The following FYB1 variants were observed in gnomAD, a reference collection of about 807,000 sequenced individuals.
FYB1 encodes FYN binding protein 1.
FYB1 carries 41 observed loss-of-function variants against 94.1 expected under a neutral mutation model. That is an observed-to-expected ratio of 0.44 (90% confidence interval 0.34 to 0.57). FYB1 has a LOEUF of 0.57. Ranked by LOEUF, FYB1 falls within the 20% of genes least tolerant of loss-of-function variation. The pLI, the probability that FYB1 is intolerant of heterozygous loss-of-function variation, is 0.02. For synonymous variants in FYB1, 367 were observed against 353.2 expected (o/e 1.04, Z -0.44); for missense variants, 1,050 against 976.8 (o/e 1.07, Z -1.00).
intron 14 of FYB1, among the ~76,000 whole-genome samples, chr5:39,121,915 A>G (rs1740150088): frequency 6.6e-6 from 1 of 152,292 alleles, no homozygotes; most frequent in Middle Eastern, 3.4e-3. Flanking sequence ...GCTAAGAAGT[A>G]TATTCAAGAA....
upstream of FYB1, among the ~76,000 whole-genome samples, chr5:39,223,445 T>C (rs1750353161): frequency 1.3e-5 from 2 of 152,152 alleles, no homozygotes; most frequent in Admixed American, 1.3e-4. Flanking sequence ...GAATATGAAG[T>C]TTTCATTATT....
chr5:39,153,455 C>G lies in FYB1; in HGVS notation c.1285G>C (p.Asp429His). The change falls in exon 3 of 19, where the codon GAC (aspartate) becomes CAC (histidine). Residue 429 changes from aspartate (D) to histidine (H), a missense_variant. Coordinates refer to ENST00000512982, the MANE Select transcript of FYB1 (RefSeq NM_001465.6). ...LPPRNIKPPF[D>H]LKSPVNEDNQ... ...AGATAATCTTTTGCTTACTTTAGGT[C>G]AAACGGAGGTTTAATGTTTCTGGGA... The G allele has an allele frequency of 1.2e-6, 2 of 1,613,690 alleles. No homozygotes were observed. The highest frequency in any genetic ancestry group is 2.7e-5 in the African/African-American group (2 of 74,964).
At chr5:39,210,295 C>G (rs761256578) in intron 1 of FYB1, among the ~76,000 whole-genome samples, 6 of 152,188 alleles carry the variant, frequency 3.9e-5, no homozygotes. Flanking sequence ...TGTGTGTGCC[C>G]CGCCAGGTCC....
Position 39,184,922 on chromosome 5 carries a change from TTAA to T in FYB1, c.1135+16901_1135+16903del, listed in dbSNP as rs372653925. Among the ~76,000 whole-genome samples, 98 of 152,320 alleles carry T rather than the reference TTAA, an allele frequency of 6.4e-4. 1 individual carries two copies. In the South Asian group the frequency reaches 0.02, roughly 31 times the overall value. ...TATTTTATAATAAAATATTAATTCATTAATTATATGCCATGGACATCCTTCAGC... is the reference window on the plus strand; with the variant it reads ...TATTTTATAATAAAATATTAATTCATTTATATGCCATGGACATCCTTCAGC... On this transcript the variant is annotated intron_variant, in intron 2 of 18. Transcript: ENST00000512982.
chr5:39,242,938 C>T (rs544219213), intron 1 of FYB1, among the ~76,000 whole-genome samples: 94 of 152,288 alleles, frequency 6.2e-4, no homozygotes, highest in African/African-American at 2.2e-3. Context: ...TAAATATCTT[C>T]TTTTGAGAAG....
At chr5:39,200,441 C>A (rs766005435) in intron 2 of FYB1, among the ~76,000 whole-genome samples, 19 of 152,174 alleles carry the variant, frequency 1.2e-4, no homozygotes, top group Non-Finnish European at 2.9e-5. Flanking sequence ...TGTGAAGTCA[C>A]AGCCATAAAA....
chr5:39,228,519 C>T, intron 1 of FYB1, among the ~76,000 whole-genome samples: 1 of 141,696 alleles, frequency 7.1e-6, no homozygotes, highest in South Asian at 2.2e-4. Context: ...GAAAAGTTGT[C>T]ACCTATAGTA....
intron 1 of FYB1, among the ~76,000 whole-genome samples, chr5:39,212,524 A>T (rs545043046): frequency 6.6e-6 from 1 of 152,104 alleles, no homozygotes; most frequent in Admixed American, 6.5e-5. Context: ...CCTTGTTCCC[A>T]TTCCATTTCT....
chr5:39,179,600 C>T (rs1309601394), intron 2 of FYB1, among the ~76,000 whole-genome samples: 2 of 145,764 alleles, frequency 1.4e-5, no homozygotes, highest in African/African-American at 5.0e-5. Flanking sequence ...GGCTGGAGTG[C>T]AGTGGTGCGA....
rs577436949 is a variant in FYB1, at chr5:39,130,535, C to T, written c.1840+55G>A. 16 of 1,388,352 alleles carry T rather than the reference C, an allele frequency of 1.2e-5. No homozygotes were observed. In the South Asian group the frequency reaches 1.7e-4, roughly 15 times the overall value. The allele number at this position is 1,388,352 out of a possible 1,614,324, so 86.0% of individuals were successfully genotyped here. ...AAATAACACATGTGCTCCATAAATA[C>T]ATGCCAATATATGTATCAATTGTAA... is the stretch of plus-strand genomic sequence containing the variant. On this transcript the variant is annotated intron_variant, in intron 10 of 18. Transcript: ENST00000512982.
intron 11 of FYB1, among the ~76,000 whole-genome samples, chr5:39,126,988 G>A (rs1390759056): frequency 6.8e-6 from 1 of 147,786 alleles, no homozygotes; most frequent in Non-Finnish European, 1.5e-5. Context: ...AACCTGGGAG[G>A]CAGAGATTGC....
chr5:39,121,676 C>T (rs1428375984), intron 14 of FYB1, among the ~76,000 whole-genome samples: 1 of 151,896 alleles, frequency 6.6e-6, no homozygotes, highest in South Asian at 2.1e-4. Flanking sequence ...AGCAACCTAC[C>T]ATGTTATTCT....
At chr5:39,151,691 T>C (rs924875639) in intron 3 of FYB1, among the ~76,000 whole-genome samples, 3 of 152,208 alleles carry the variant, frequency 2.0e-5, no homozygotes, top group Non-Finnish European at 2.9e-5. Flanking sequence ...AAGCACAATG[T>C]AGTGGCTCAA....
intron 16 of FYB1, 142 bp downstream of exon 16, chr5:39,118,732 A>C: frequency 2.1e-6 from 1 of 470,422 alleles, no homozygotes; most frequent in Non-Finnish European, 3.7e-6. Flanking sequence ...CCAACTTCTG[A>C]ACGTTTGCCA....
intron 14 of FYB1, among the ~76,000 whole-genome samples, chr5:39,120,769 A>T (rs1355359631): frequency 6.6e-6 from 1 of 152,126 alleles, no homozygotes; most frequent in Admixed American, 6.6e-5. Flanking sequence ...TAAATGTTTA[A>T]TTCTCAATTT....
chr5:39,256,916 G>C (rs1481151060), intron 1 of FYB1, among the ~76,000 whole-genome samples: 1 of 152,194 alleles, frequency 6.6e-6, no homozygotes, highest in African/African-American at 2.4e-5. Flanking sequence ...AGTGATGGTA[G>C]TTCTTTTGGA....
intron 1 of FYB1, among the ~76,000 whole-genome samples, chr5:39,227,935 C>G (rs890212420): frequency 1.3e-5 from 2 of 152,236 alleles, no homozygotes; most frequent in Admixed American, 1.3e-4. Flanking sequence ...TGGGGAAGAC[C>G]TTTCACCTTG....
chr5:39,251,449 T>G (rs1348415141), intron 1 of FYB1, among the ~76,000 whole-genome samples: 1 of 152,172 alleles, frequency 6.6e-6, no homozygotes, highest in Non-Finnish European at 1.5e-5. Context: ...TACTGTGGGA[T>G]TGGCTGATGC....
chr5:39,273,063 T>TG (rs1218388902), intron 1 of FYB1, among the ~76,000 whole-genome samples: 3 of 151,992 alleles, frequency 2.0e-5, no homozygotes, highest in South Asian at 2.1e-4. Context: ...GTCCGGGAGG[T>TG]GGGGGGCGCT....
Sources: allele counts gnomAD v4.1 joint callset (sites outside exome capture counted in the v4.1 genomes callset), GRCh38; gene constraint gnomAD v4.1.1; transcripts MANE v1.5; gene names NCBI Gene and HGNC (gene_info 2026-07-23, HGNC 2026-07-21).